REEP1: variants seen among roughly 807,000 people sequenced by gnomAD.
REEP1 encodes the protein receptor accessory protein 1.
In REEP1, 22 loss-of-function variants were observed where a neutral mutation model predicts 40.3. The ratio of observed to expected loss-of-function variants is 0.55; its 90% CI spans 0.39 to 0.78. The LOEUF is 0.78. REEP1 is among the 30% of genes least tolerant of loss of function. The pLI is 0.00. For missense variants in REEP1, 280 were observed against 361.1 expected, an observed-to-expected ratio of 0.78 and a Z score of 1.82; for synonymous variants, 116 against 139.2, an observed-to-expected ratio of 0.83 and a Z score of 1.17.
intron 1 of REEP1, among the ~76,000 whole-genome samples, chr2:86,291,672 G>C (rs574520166): frequency 1.3e-5 from 2 of 151,956 alleles, no homozygotes; most frequent in East Asian, 3.9e-4. Context: ...CAGAGTAGTT[G>C]AGGGATATTC....
chr2:86,233,125 T>A (rs1379389969), intron 5 of REEP1, among the ~76,000 whole-genome samples: 1 of 152,240 alleles, frequency 6.6e-6, no homozygotes, highest in Non-Finnish European at 1.5e-5. Context: ...GACTACTGCC[T>A]GCAGCTCCTA....
At chr2:86,312,188 T>C (rs1449638119) in intron 1 of REEP1, among the ~76,000 whole-genome samples, 1 of 152,180 alleles carries the variant, frequency 6.6e-6, no homozygotes, top group Non-Finnish European at 1.5e-5. Flanking sequence ...CATCTACCTT[T>C]ACCACCTGAA....
At chr2:86,225,726 G>A (rs1049644340) in intron 7 of REEP1, among the ~76,000 whole-genome samples, 1 of 152,220 alleles carries the variant, frequency 6.6e-6, no homozygotes, top group Non-Finnish European at 1.5e-5. Context: ...CGCGGCACCA[G>A]GGCTGGAGCA....
At chr2:86,238,605 A>ATCG (rs1675490557) in intron 5 of REEP1, among the ~76,000 whole-genome samples, 1 of 152,228 alleles carries the variant, frequency 6.6e-6, no homozygotes, top group South Asian at 2.1e-4. Context: ...CTGATGCATC[A>ATCG]GCCAGGGTCC....
At chr2:86,303,973 T>C (rs1391063069) in intron 1 of REEP1, among the ~76,000 whole-genome samples, 1 of 152,046 alleles carries the variant, frequency 6.6e-6, no homozygotes, top group Non-Finnish European at 1.5e-5. Flanking sequence ...GTGGCTAGGC[T>C]GGTGACTGAA....
intron 5 of REEP1, among the ~76,000 whole-genome samples, chr2:86,233,995 T>A (rs1300050262): frequency 1.3e-5 from 2 of 152,040 alleles, no homozygotes; most frequent in Non-Finnish European, 2.9e-5. Context: ...CTGGTGGGAT[T>A]GATGAAATAA....
chr2:86,216,931 T>G lies in REEP1; in HGVS notation c.*108A>C. On this transcript the variant is annotated 3_prime_UTR_variant, in exon 9 of 9. Coordinates refer to ENST00000538924, the MANE Select transcript of REEP1 (RefSeq NM_001371279.1). ...AGAGAAAAGGCCATGTTTGTGAGGC[T>G]GCACACTCAAAGCACACCCAGCTTG... 2 of 856,436 alleles carry G rather than the reference T, an allele frequency of 2.3e-6. No homozygotes were observed. The highest frequency in any genetic ancestry group is 2.9e-5 in the South Asian group (2 of 68,890). The allele number at this position is 856,436 out of a possible 1,614,324, so 53.1% of individuals were successfully genotyped here.
intron 6 of REEP1, among the ~76,000 whole-genome samples, chr2:86,230,021 T>C (rs1171070312): frequency 1.3e-5 from 2 of 152,176 alleles, no homozygotes; most frequent in African/African-American, 4.8e-5. Context: ...CTTTGCCCCC[T>C]GTGGTCATAG....
chr2:86,227,039 C>T (rs780286667), intron 7 of REEP1, among the ~76,000 whole-genome samples: 1 of 152,144 alleles, frequency 6.6e-6, no homozygotes, highest in African/African-American at 2.4e-5. Context: ...TTGGAGAGGC[C>T]CAGCCAACAG....
At chr2:86,308,811 T>C (rs1325635213) in intron 1 of REEP1, among the ~76,000 whole-genome samples, 1 of 152,192 alleles carries the variant, frequency 6.6e-6, no homozygotes, top group Non-Finnish European at 1.5e-5. Context: ...GGACTCAAAC[T>C]GGCATAAGCA....
At chr2:86,323,378 C>T (rs1360958318) in intron 1 of REEP1, among the ~76,000 whole-genome samples, 1 of 152,138 alleles carries the variant, frequency 6.6e-6, no homozygotes, top group Non-Finnish European at 1.5e-5. Flanking sequence ...GGCCCCCAAC[C>T]CCTGGGCTGC....
At chr2:86,322,293 C>T (rs1211750112) in intron 1 of REEP1, among the ~76,000 whole-genome samples, 1 of 152,114 alleles carries the variant, frequency 6.6e-6, no homozygotes, top group Non-Finnish European at 1.5e-5. Context: ...TTGGTAACCC[C>T]AGCACTTTGG....
intron 4 of REEP1, among the ~76,000 whole-genome samples, chr2:86,254,218 A>T (rs1013589626): frequency 6.6e-6 from 1 of 152,190 alleles, no homozygotes; most frequent in African/African-American, 2.4e-5. Flanking sequence ...TTTTTAAGAG[A>T]TGGGGACTCT....
rs141806858 is a variant in REEP1, at chr2:86,214,473, A to G, written c.*2566T>C. ...AACAGGTGCTCAATGGCAATTAACT[A>G]AAAGTTATGACATGAACATTACAGA... On this transcript the variant is annotated 3_prime_UTR_variant, in exon 9 of 9. Coordinates refer to ENST00000538924, the MANE Select transcript of REEP1 (RefSeq NM_001371279.1). 6.5e-6 allele frequency: 1 copy of G among 152,808 alleles called. No homozygotes were observed. The highest frequency in any genetic ancestry group is 1.5e-5 in the Non-Finnish European group (1 of 68,044). 9.5% of individuals were successfully genotyped at this position (152,808 alleles called of 1,614,324 possible).
intron 5 of REEP1, among the ~76,000 whole-genome samples, chr2:86,237,854 A>C (rs1675444771): frequency 6.6e-6 from 1 of 152,178 alleles, no homozygotes; most frequent in Non-Finnish European, 1.5e-5. Flanking sequence ...AAGTGACAAA[A>C]AAAAGATGTC....
In REEP1 at chr2:86,303,662, C is replaced by A. The variant is rs374046402; in HGVS notation, c.33-21420G>T. Among the ~76,000 whole-genome samples, 291 of 152,280 alleles carry A rather than the reference C, an allele frequency of 1.9e-3. 9 individuals are homozygous for A. In the South Asian group the frequency reaches 0.059, roughly 31 times the overall value. On this transcript the variant is annotated intron_variant, in intron 1 of 8. Coordinates refer to ENST00000538924, the MANE Select transcript of REEP1 (RefSeq NM_001371279.1). ...TTACAGGTGTGAGCCCCACACCAGG[C>A]CTAAGGCTGGACTTCCAAATCAGCA... is the stretch of plus-strand genomic sequence containing the variant.
chr2:86,287,148 G>A (rs187901261), intron 1 of REEP1, among the ~76,000 whole-genome samples: 1 of 152,234 alleles, frequency 6.6e-6, no homozygotes, highest in Admixed American at 6.5e-5. Context: ...GGGTGCAGTA[G>A]CATGATCTCT....
intron 1 of REEP1, among the ~76,000 whole-genome samples, chr2:86,308,507 G>T (rs1679610080): frequency 1.3e-5 from 2 of 152,148 alleles, no homozygotes; most frequent in Non-Finnish European, 2.9e-5. Context: ...GTGAGCTGAG[G>T]TTGCACCACT....
intron 5 of REEP1, among the ~76,000 whole-genome samples, chr2:86,239,536 T>C (rs1283697004): frequency 1.3e-5 from 2 of 152,184 alleles, no homozygotes; most frequent in Non-Finnish European, 2.9e-5. Flanking sequence ...AAGGAGTTAG[T>C]ACTTCCTTCC....
Sources: gnomAD v4.1 joint callset for allele counts (sites outside exome capture counted in the v4.1 genomes callset) on GRCh38, gnomAD v4.1.1 for gene constraint, MANE v1.5 for transcripts, NCBI Gene and HGNC (gene_info 2026-07-23, HGNC 2026-07-21) for gene names.